PTPRT: variants seen among roughly 807,000 people sequenced by gnomAD.
PTPRT encodes protein tyrosine phosphatase receptor type T.
In PTPRT, 56 loss-of-function variants were observed where a neutral mutation model predicts 176.8. The observed-to-expected ratio is 0.32, with a 90% CI of 0.26 to 0.40. The LOEUF is 0.40. Among genes scored for constraint, PTPRT ranks in the 10% least tolerant of loss-of-function variants. PTPRT has a pLI of 1.00. For missense variants in PTPRT, 1,540 were observed against 1,908.2 expected, an observed-to-expected ratio of 0.81 and a Z score of 3.60; for synonymous variants, 783 against 739.0, an observed-to-expected ratio of 1.06 and a Z score of -0.96.
intron 2 of PTPRT, among the ~76,000 whole-genome samples, chr20:42,797,087 G>A (rs959007703): frequency 5.3e-5 from 8 of 152,110 alleles, no homozygotes; most frequent in African/African-American, 1.7e-4. Context: ...GTGTAGCAGG[G>A]AGACCTTAAT....
intron 7 of PTPRT, among the ~76,000 whole-genome samples, chr20:42,502,405 AACACACACACACACACACACACACAC>A (rs11467404): frequency 7.3e-6 from 1 of 137,326 alleles, no homozygotes; most frequent in Non-Finnish European, 1.6e-5. Flanking sequence ...TATGTATACA[AACACACACACACACACACACACACAC>A]ACACACACAC....
intron 1 of PTPRT, among the ~76,000 whole-genome samples, chr20:43,123,284 AT>A: frequency 6.6e-6 from 1 of 152,350 alleles, no homozygotes; most frequent in South Asian, 2.1e-4. Context: ...GGTTGACTGC[AT>A]TTGAGCAAAC....
intron 26 of PTPRT, among the ~76,000 whole-genome samples, chr20:42,099,960 C>T (rs907548955): frequency 1.3e-5 from 2 of 152,198 alleles, no homozygotes; most frequent in African/African-American, 4.8e-5. Flanking sequence ...CATTTCCAGA[C>T]ATGGAAAAAC....
At chr20:42,910,745 ATCT>A (rs1296275158) in intron 1 of PTPRT, among the ~76,000 whole-genome samples, 1 of 152,202 alleles carries the variant, frequency 6.6e-6, no homozygotes, top group Non-Finnish European at 1.5e-5. Flanking sequence ...GGAACACAAA[ATCT>A]TCTTTGAAAT....
chr20:42,521,087 T>C (rs2072166999), intron 7 of PTPRT, among the ~76,000 whole-genome samples: 1 of 151,980 alleles, frequency 6.6e-6, no homozygotes, highest in Non-Finnish European at 1.5e-5. Flanking sequence ...TCTCTCTATG[T>C]GTATCTACCT....
intron 2 of PTPRT, among the ~76,000 whole-genome samples, chr20:42,854,175 C>T (rs1422013356): frequency 6.6e-6 from 1 of 152,166 alleles, no homozygotes; most frequent in Non-Finnish European, 1.5e-5. Context: ...ATTCCATCTT[C>T]CTTTCCATAC....
chr20:42,435,401 C>T (rs62203480), intron 9 of PTPRT, among the ~76,000 whole-genome samples: 34,733 of 152,104 alleles, frequency 0.23, 4,394 homozygotes, highest in African/African-American at 0.32. Flanking sequence ...GCATTCACAT[C>T]AATACCTGTA....
chr20:42,829,711 AAAC>A (rs2078054907), intron 2 of PTPRT, among the ~76,000 whole-genome samples: 1 of 152,236 alleles, frequency 6.6e-6, no homozygotes, highest in African/African-American at 2.4e-5. Flanking sequence ...ACTAATAAAT[AAAC>A]AAGAAGAGAG....
intron 1 of PTPRT, among the ~76,000 whole-genome samples, chr20:43,152,069 G>A (rs535733220): frequency 2.0e-5 from 3 of 152,108 alleles, no homozygotes; most frequent in East Asian, 1.9e-4. Flanking sequence ...TATTTCATTC[G>A]GGATTCATTC....
At chr20:42,800,161 T>G (rs186201229) in intron 2 of PTPRT, among the ~76,000 whole-genome samples, 3 of 152,276 alleles carry the variant, frequency 2.0e-5, no homozygotes, top group African/African-American at 7.2e-5. Context: ...TCTTTTACAG[T>G]TGGGAAAACT....
intron 16 of PTPRT, among the ~76,000 whole-genome samples, chr20:42,185,627 C>G (rs1990748203): frequency 6.6e-6 from 1 of 152,182 alleles, no homozygotes; most frequent in African/African-American, 2.4e-5. Context: ...TTATTCAATT[C>G]TGAACGCTGA....
At chr20:42,109,207 T>C (rs374527336) in intron 23 of PTPRT, among the ~76,000 whole-genome samples, 350 of 152,288 alleles carry the variant, frequency 2.3e-3, no homozygotes, top group Non-Finnish European at 3.6e-3. Context: ...CCACAGCTTA[T>C]GGAGTCTTCC....
intron 22 of PTPRT, among the ~76,000 whole-genome samples, chr20:42,111,851 C>T (rs1480859498): frequency 6.6e-6 from 1 of 152,054 alleles, no homozygotes; most frequent in African/African-American, 2.4e-5. Flanking sequence ...TGAGTATTAC[C>T]CAGTTGACGG....
rs964703578 is a variant in PTPRT, at chr20:43,079,974, G to A, written c.88+109672C>T. Among the ~76,000 whole-genome samples the A allele has an allele frequency of 2.6e-5, 4 of 152,190 alleles. No individual in the cohort carries two copies. The South Asian group carries it at 6.2e-4, about 24-fold the overall frequency. On this transcript the variant is annotated intron_variant, in intron 1 of 30. Coordinates refer to ENST00000373187, the MANE Select transcript of PTPRT (RefSeq NM_007050.6). Reference sequence around the variant, plus strand: ...TTATTAACTAACCATAATGTTTGCAGTAGGCTTTCGGAGAAAAGCCTTTAT... The same window carrying A: ...TTATTAACTAACCATAATGTTTGCAATAGGCTTTCGGAGAAAAGCCTTTAT...
At chr20:42,608,636 A>T (rs1314093490) in intron 7 of PTPRT, among the ~76,000 whole-genome samples, 1 of 152,130 alleles carries the variant, frequency 6.6e-6, no homozygotes, top group Admixed American at 6.5e-5. Context: ...GAGCTGCTGG[A>T]GCTGAAGGAA....
chr20:42,442,145 T>A (rs1225972876), intron 9 of PTPRT, among the ~76,000 whole-genome samples: 1 of 152,160 alleles, frequency 6.6e-6, no homozygotes, highest in Non-Finnish European at 1.5e-5. Flanking sequence ...TGGGCCTCTG[T>A]CTTAAAGAGT....
At chr20:42,620,908 G>T (rs185097312) in intron 7 of PTPRT, among the ~76,000 whole-genome samples, 1 of 152,098 alleles carries the variant, frequency 6.6e-6, no homozygotes, top group Non-Finnish European at 1.5e-5. Flanking sequence ...CTTCTGCATC[G>T]CTCACGCTGG....
In PTPRT at chr20:43,023,472, G is replaced by A. The variant is rs551121606; in HGVS notation, c.89-137540C>T. ...TGAGGCCAAATAGGTGGCCCATGCT[G>A]CCAAGATTTCCTGCTCACACAAGCC... On this transcript the variant is annotated intron_variant, in intron 1 of 30. Coordinates refer to ENST00000373187, the MANE Select transcript of PTPRT (RefSeq NM_007050.6). 1.2e-4 allele frequency among the ~76,000 whole-genome samples: 18 copies of A among 152,268 alleles called. No individual in the cohort carries two copies. In the East Asian group the frequency reaches 2.5e-3, roughly 21 times the overall value.
intron 12 of PTPRT, among the ~76,000 whole-genome samples, chr20:42,290,709 A>T (rs1388026185): frequency 6.6e-6 from 1 of 151,976 alleles, no homozygotes; most frequent in Non-Finnish European, 1.5e-5. Context: ...AAAATGCCTC[A>T]TATCTGTATC....
Sources: allele counts gnomAD v4.1 joint callset (sites outside exome capture counted in the v4.1 genomes callset), GRCh38; gene constraint gnomAD v4.1.1; transcripts MANE v1.5; gene names NCBI Gene and HGNC (gene_info 2026-07-23, HGNC 2026-07-21).